SCN8A: variants seen among roughly 807,000 people sequenced by gnomAD.
SCN8A encodes the protein sodium channel protein type 8 subunit alpha.
Under a neutral mutation model 184.1 loss-of-function variants are expected in SCN8A, and 30 were observed. The observed-to-expected ratio is 0.16, with a 90% CI of 0.12 to 0.22. The LOEUF is 0.22. Ranked by LOEUF, SCN8A falls within the 10% of genes least tolerant of loss-of-function variation. SCN8A has a pLI of 1.00. For missense variants in SCN8A, 1,057 were observed against 2,498.9 expected, an observed-to-expected ratio of 0.42 and a Z score of 12.30; for synonymous variants, 852 against 907.0, an observed-to-expected ratio of 0.94 and a Z score of 1.09.
chr12:51,780,811 G>A, intron 21 of SCN8A, 40 bp downstream of exon 21: 1 of 1,538,968 alleles, frequency 6.5e-7, no homozygotes, highest in Non-Finnish European at 8.7e-7. Context: ...GCATGCCAGT[G>A]GAAACTGTTT....
intron 12 of SCN8A, among the ~76,000 whole-genome samples, chr12:51,737,297 A>G (rs1332004945): frequency 5.3e-5 from 8 of 152,216 alleles, no homozygotes; most frequent in Admixed American, 5.2e-4. Context: ...CTGTTCTTGG[A>G]CAATAACACC....
rs146973380 is a variant in SCN8A, at chr12:51,660,645, T to A, written c.-54-2119T>A. Among the ~76,000 whole-genome samples the A allele has an allele frequency of 3.2e-3, 481 of 152,350 alleles. 4 individuals are homozygous for A. Among genetic ancestry groups the A allele is most frequent in the African/African-American group, 0.011 (455 of 41,584 alleles). On this transcript the variant is annotated intron_variant, in intron 1 of 26. Coordinates refer to ENST00000627620, the MANE Select transcript of SCN8A (RefSeq NM_001330260.2). ...TCAAATCTTCTTCTGGCTCTATAAC[T>A]TTGGGCAAGCTACATTAGTTTTCTC... is the stretch of plus-strand genomic sequence containing the variant.
At chr12:51,758,143 G>A (rs1220676756) in intron 14 of SCN8A, among the ~76,000 whole-genome samples, 2 of 152,142 alleles carry the variant, frequency 1.3e-5, no homozygotes, top group African/African-American at 4.8e-5. Flanking sequence ...CTAGAACATA[G>A]CGAGACCCCA....
intron 11 of SCN8A, among the ~76,000 whole-genome samples, chr12:51,711,304 A>C (rs1188435914): frequency 6.6e-6 from 1 of 152,216 alleles, no homozygotes; most frequent in Non-Finnish European, 1.5e-5. Context: ...GCTGTGCATG[A>C]AAATATTCAC....
intron 6 of SCN8A, among the ~76,000 whole-genome samples, chr12:51,691,872 T>C (rs1442043283): frequency 7.9e-5 from 12 of 152,190 alleles, no homozygotes; most frequent in Admixed American, 7.9e-4. Flanking sequence ...ATTCTGAAAT[T>C]GCTGATTATG....
At chr12:51,663,483 T>C (rs1223686278) in intron 2 of SCN8A, among the ~76,000 whole-genome samples, 1 of 152,164 alleles carries the variant, frequency 6.6e-6, no homozygotes, top group Admixed American at 6.5e-5. Context: ...TAGAGTAGTG[T>C]GGTGGAGATG....
At chr12:51,729,615 C>T (rs1407234513) in intron 12 of SCN8A, among the ~76,000 whole-genome samples, 1 of 152,078 alleles carries the variant, frequency 6.6e-6, no homozygotes, top group Non-Finnish European at 1.5e-5. Context: ...TGTGAATAAG[C>T]TTGCTATGAG....
Position 51,713,541 on chromosome 12 carries a change from C to T in SCN8A, c.1635+6826C>T, listed in dbSNP as rs565607473. ...GTTCCTTTGGGTCATGGCCCTCTTC[C>T]TGCCGGTGGCAATGTCGACGGCTGG... On this transcript the variant is annotated intron_variant, in intron 11 of 26. Coordinates refer to ENST00000627620, the MANE Select transcript of SCN8A (RefSeq NM_001330260.2). 5 of 740,494 alleles carry T rather than the reference C, an allele frequency of 6.8e-6. No individual in the cohort carries two copies. The Admixed American group carries it at 7.3e-5, about 11-fold the overall frequency. The allele number at this position is 740,494 out of a possible 1,614,324, so 45.9% of individuals were successfully genotyped here.
chr12:51,724,718 C>T (rs1443190842), intron 12 of SCN8A, among the ~76,000 whole-genome samples: 1 of 152,198 alleles, frequency 6.6e-6, no homozygotes, highest in East Asian at 1.9e-4. Flanking sequence ...TTTTGATATA[C>T]TGGCAGTTTT....
rs573486612 is a variant in SCN8A, at chr12:51,812,153, C to G, written c.*4724C>G. The stretch of plus-strand genomic sequence containing the variant: ...TGAGGCACCCCCTGCCCCTGCCCCC[C>G]ACTGCTGTTTGCTGTACATAGAGGC... On this transcript the variant is annotated 3_prime_UTR_variant, in exon 27 of 27. Transcript: ENST00000627620. The G allele has an allele frequency of 2.7e-5, 4 of 149,568 alleles. No homozygotes were observed. Among genetic ancestry groups the G allele is most frequent in the African/African-American group, 9.8e-5 (4 of 40,774 alleles). 9.3% of individuals were successfully genotyped at this position (149,568 alleles called of 1,614,324 possible).
chr12:51,652,117 C>G (rs1419072720), intron 1 of SCN8A, among the ~76,000 whole-genome samples: 1 of 152,080 alleles, frequency 6.6e-6, no homozygotes, highest in Non-Finnish European at 1.5e-5. Context: ...ACCTCAGACT[C>G]AGCATGTTCA....
intron 2 of SCN8A, among the ~76,000 whole-genome samples, chr12:51,679,721 C>CTTTTTTTTTGTTT (rs1941293553): frequency 1.2e-5 from 1 of 85,510 alleles, no homozygotes; most frequent in Non-Finnish European, 2.3e-5. Flanking sequence ...ACTATCTTGC[C>CTTTTTTTTTGTTT]TTTTTTTTTT....
intron 1 of SCN8A, among the ~76,000 whole-genome samples, chr12:51,619,252 G>T (rs75051288): frequency 6.6e-6 from 1 of 152,156 alleles, no homozygotes; most frequent in African/African-American, 2.4e-5. Context: ...GCCATTAAAT[G>T]GATATACTAT....
intron 14 of SCN8A, among the ~76,000 whole-genome samples, chr12:51,757,433 G>A (rs1269738769): frequency 1.3e-5 from 2 of 152,146 alleles, no homozygotes; most frequent in Non-Finnish European, 2.9e-5. Context: ...TGAGCACAAA[G>A]AGAGGAGCAT....
intron 12 of SCN8A, among the ~76,000 whole-genome samples, chr12:51,728,850 A>AC (rs1264084370): frequency 6.6e-6 from 1 of 151,338 alleles, no homozygotes; most frequent in Non-Finnish European, 1.5e-5. Flanking sequence ...CCAAACATGC[A>AC]CCCCCCAACC....
rs1330330991 is a variant in SCN8A at position 51,786,569 on chromosome 12, A to G, written c.3970A>G (p.Ile1324Val). The part of the protein sequence containing the change: ...RVVVNALVGA[I>V]PSIMNVLLVC... ...GGTGGTGAATGCCTTGGTGGGCGCC[A>G]TCCCCTCCATCATGAATGTGCTGCT... Residue 1324 changes from isoleucine (I) to valine (V), a missense_variant, in exon 22 of 27, where the codon ATC becomes GTC. Around this residue, in one of 19 missense-constraint regions of SCN8A, gnomAD observed 7 missense variants for 81.6 expected, o/e 0.09. Coordinates refer to ENST00000627620, the MANE Select transcript of SCN8A (RefSeq NM_001330260.2). 1 of 1,614,088 alleles carries G rather than the reference A, an allele frequency of 6.2e-7. No individual in the cohort carries two copies. Among genetic ancestry groups the G allele is most frequent in the Admixed American group, 1.7e-5 (1 of 59,994 alleles).
chr12:51,721,512 C>T lies in SCN8A; in HGVS notation c.1636-34C>T, dbSNP rs531551010. 2.1e-5 allele frequency: 33 copies of T among 1,555,088 alleles called. No homozygotes were observed. The African/African-American group carries it at 4.2e-4, about 20-fold the overall frequency. On this transcript the variant is annotated intron_variant, in intron 11 of 26. Transcript: ENST00000627620. ...AGGTCCACACTCCCGTCTCATTTCC[C>T]CGTCCCTCTCTCTTTCCCTGTCTGC...
At position 51,764,831 on chromosome 12, in the gene SCN8A, G is replaced by A. The variant is rs149321178; in HGVS notation, c.2545-840G>A. 6.9e-4 allele frequency among the ~76,000 whole-genome samples: 103 copies of A among 150,072 alleles called. 1 individual carries two copies. Among genetic ancestry groups the A allele is most frequent in the Non-Finnish European group, 1.3e-3 (91 of 67,732 alleles). On this transcript the variant is annotated intron_variant, in intron 15 of 26. Coordinates refer to ENST00000627620, the MANE Select transcript of SCN8A (RefSeq NM_001330260.2). ...ATTCTGCTGTCCAGGTTGAAGTGCA[G>A]TGGTGTGATCTCGGCTCACCTCAAC... is the stretch of plus-strand genomic sequence containing the variant.
At chr12:51,707,548 C>T (rs780353511) in intron 11 of SCN8A, among the ~76,000 whole-genome samples, 1 of 152,084 alleles carries the variant, frequency 6.6e-6, no homozygotes, top group Non-Finnish European at 1.5e-5. Flanking sequence ...CACTGACAGC[C>T]GATTAAATGG....
Sources: gnomAD v4.1 joint callset for allele counts (sites outside exome capture counted in the v4.1 genomes callset) on GRCh38, gnomAD v4.1.1 for gene constraint, gnomAD v4.1.1 regional missense constraint, MANE v1.5 for transcripts, NCBI Gene and HGNC (gene_info 2026-07-23, HGNC 2026-07-21) for gene names.